Variants in VPS35L observed in about 807,000 individuals in gnomAD.
VPS35L encodes VPS35 endosomal protein sorting factor like, also known as VPS35 endosomal protein-sorting factor-like.
In VPS35L, 83 loss-of-function variants were observed where a neutral mutation model predicts 133.0. That is an observed-to-expected ratio of 0.62 (90% confidence interval 0.52 to 0.75). The LOEUF (loss-of-function observed/expected upper bound fraction) is 0.75. VPS35L is among the 30% of genes least tolerant of loss of function. The pLI is 0.00. For synonymous variants in VPS35L, 423 were observed against 449.9 expected, an observed-to-expected ratio of 0.94 and a Z score of 0.76; for missense variants, 1,083 against 1,206.8, an observed-to-expected ratio of 0.90 and a Z score of 1.52.
intron 24 of VPS35L, among the ~76,000 whole-genome samples, chr16:19,648,120 A>G (rs1473126185): frequency 3.3e-5 from 5 of 151,930 alleles, no homozygotes; most frequent in African/African-American, 1.2e-4. Flanking sequence ...ATGCCCAGCT[A>G]TTTTAAATTT....
chr16:19,616,083 G>A (rs1469063921), intron 12 of VPS35L, 31 bp from the exon 13 acceptor site: 4 of 1,577,056 alleles, frequency 2.5e-6, no homozygotes, highest in Non-Finnish European at 2.6e-6. Flanking sequence ...GTCATTATTT[G>A]CAACCAGTTT....
At position 19,639,740 on chromosome 16, in the gene VPS35L, G is replaced by A. The variant is rs1973728555; in HGVS notation, c.1699-275G>A. Among the ~76,000 whole-genome samples the A allele has an allele frequency of 6.6e-6, 1 of 152,104 alleles. No homozygotes were observed. Among genetic ancestry groups the A allele is most frequent in the Non-Finnish European group, 1.5e-5 (1 of 68,012 alleles). On this transcript the variant is annotated intron_variant, in intron 20 of 30. Transcript: ENST00000417362. This position sits in a 1 kb window ranked among gnomAD's most constrained non-coding sequence, Gnocchi z 4.1. ...GACAGGGTTTCGCCATGTTGGCCAG[G>A]CTGGTCTTGAACTCCTGGCCTCAAG...
chr16:19,657,002 G>T (rs918616635), intron 26 of VPS35L, among the ~76,000 whole-genome samples: 1 of 127,780 alleles, frequency 7.8e-6, no homozygotes, highest in Non-Finnish European at 1.5e-5. Flanking sequence ...GTCCTGCTCC[G>T]TCGTCCAGGC....
Position 19,608,977 on chromosome 16 carries a change from C to T in VPS35L, c.885C>T (p.Tyr295=), listed in dbSNP as rs754028298. The T allele has an allele frequency of 1.2e-5, 19 of 1,613,490 alleles. No individual in the cohort carries two copies. Among genetic ancestry groups the T allele is most frequent in the East Asian group, 6.7e-5 (3 of 44,882 alleles). ...CCTTAACAGGATGTTTTTGTAGTTACGTGGAGGCATCCATCCTGAAATGTA... is the reference window on the plus strand; with the variant it reads ...CCTTAACAGGATGTTTTTGTAGTTATGTGGAGGCATCCATCCTGAAATGTA... The part of the protein sequence containing the change: ...ASIRELIPRF[Y]VEASILKCNK... Residue 295 remains tyrosine, a synonymous_variant, in exon 11 of 31, where the codon TAC becomes TAT. Transcript: ENST00000417362.
rs972420961 is a variant in VPS35L at position 19,673,211 on chromosome 16, C to T, written c.2361+3912C>T. 5.3e-5 allele frequency among the ~76,000 whole-genome samples: 8 copies of T among 152,190 alleles called. No homozygotes were observed. The East Asian group carries it at 5.8e-4, about 11-fold the overall frequency. On this transcript the variant is annotated intron_variant, in intron 27 of 30. Transcript: ENST00000417362. ...TTGATGTCTGGAGGGCAGATCCAGC[C>T]GGTAGACATGTAGACACTTGCTGGC...
In VPS35L at chr16:19,633,973, G is replaced by A. The variant is rs867858779; in HGVS notation, c.1635+801G>A. Among the ~76,000 whole-genome samples, 13 of 152,146 alleles carry A rather than the reference G, an allele frequency of 8.5e-5. No individual in the cohort carries two copies. The Middle Eastern group carries it at 0.01, about 119-fold the overall frequency. ...GATGTCCTGACTTCGTGATCCACCC[G>A]CCTCAGCCTCCCAAAGTGCTGGGAT... On this transcript the variant is annotated intron_variant, in intron 19 of 30. Transcript: ENST00000417362. The surrounding 1 kb of genome is among the most constrained non-coding windows in gnomAD (Gnocchi z 4.1).
At chr16:19,606,803 T>C (rs944605406) in intron 9 of VPS35L, among the ~76,000 whole-genome samples, 1 of 152,244 alleles carries the variant, frequency 6.6e-6, no homozygotes, top group African/African-American at 2.4e-5. Context: ...GGTCTTGCTC[T>C]GTCTTACTCT....
intron 22 of VPS35L, among the ~76,000 whole-genome samples, chr16:19,643,737 G>A (rs1973855844): frequency 6.6e-6 from 1 of 151,946 alleles, no homozygotes; most frequent in South Asian, 2.1e-4. Flanking sequence ...CCTGAGGTCA[G>A]GAGTTTGAGA....
At chr16:19,674,878 T>C (rs1462832634) in intron 27 of VPS35L, among the ~76,000 whole-genome samples, 3 of 152,218 alleles carry the variant, frequency 2.0e-5, no homozygotes, top group Non-Finnish European at 2.9e-5. Flanking sequence ...TTGTTACATA[T>C]GGCAGAATTT....
chr16:19,682,699 T>TA (rs1251684452), intron 28 of VPS35L, among the ~76,000 whole-genome samples: 3 of 151,984 alleles, frequency 2.0e-5, no homozygotes, highest in South Asian at 2.1e-4. Context: ...CTGTCTCTAC[T>TA]AAAAAAACAA....
chr16:19,596,890 G>A (rs1040710167), intron 8 of VPS35L, among the ~76,000 whole-genome samples: 11 of 151,946 alleles, frequency 7.2e-5, no homozygotes, highest in Admixed American at 6.6e-4. Flanking sequence ...GAGGTGGTAC[G>A]CGCCTGTAAT....
At chr16:19,621,595 C>T (rs1219480964) in intron 14 of VPS35L, among the ~76,000 whole-genome samples, 1 of 152,172 alleles carries the variant, frequency 6.6e-6, no homozygotes, top group Non-Finnish European at 1.5e-5. Flanking sequence ...TGGTTGATCC[C>T]AGCCAAAGGG....
intron 29 of VPS35L, among the ~76,000 whole-genome samples, chr16:19,698,055 G>A (rs1424836144): frequency 6.6e-6 from 1 of 152,238 alleles, no homozygotes; most frequent in Non-Finnish European, 1.5e-5. Context: ...CTGTTTGGTA[G>A]GTGAGAAGTC....
At chr16:19,556,538 GTGT>G (rs1970862610) in intron 1 of VPS35L, among the ~76,000 whole-genome samples, 1 of 152,218 alleles carries the variant, frequency 6.6e-6, no homozygotes, top group Admixed American at 6.5e-5. Context: ...TGAGGAAGTT[GTGT>G]TGTTGATGAT....
At chr16:19,563,427 A>G (rs1971088054) in intron 1 of VPS35L, among the ~76,000 whole-genome samples, 1 of 152,130 alleles carries the variant, frequency 6.6e-6, no homozygotes, top group Admixed American at 6.6e-5. Flanking sequence ...CTTGGGCCAC[A>G]GATGTTTCTT....
chr16:19,692,597 C>G (rs1975732973), intron 29 of VPS35L, among the ~76,000 whole-genome samples: 3 of 151,932 alleles, frequency 2.0e-5, no homozygotes, highest in Admixed American at 2.0e-4. Context: ...GAGTTTCGCT[C>G]TTGTTGCCCA....
chr16:19,596,789 C>T (rs916528411), intron 8 of VPS35L, among the ~76,000 whole-genome samples: 5 of 150,840 alleles, frequency 3.3e-5, no homozygotes, highest in African/African-American at 4.9e-5. Context: ...GAGGCCAAGG[C>T]GGGCAGATCA....
At chr16:19,693,959 G>GAAAAAAAAAAA (rs915757096) in intron 29 of VPS35L, 2 of 92,372 alleles carry the variant, frequency 2.2e-5, no homozygotes, top group Non-Finnish European at 4.7e-5. Context: ...CAAAAAAAAA[G>GAAAAAAAAAAA]AAAAAAAAAA....
At chr16:19,689,040 C>CTTTTT (rs766276644) in intron 28 of VPS35L, among the ~76,000 whole-genome samples, 4 of 134,694 alleles carry the variant, frequency 3.0e-5, no homozygotes, top group African/African-American at 5.5e-5. Flanking sequence ...GGTGTCTCTT[C>CTTTTT]TTTTTTTTTT....
Sources: allele counts gnomAD v4.1 joint callset (sites outside exome capture counted in the v4.1 genomes callset), GRCh38; gene constraint gnomAD v4.1.1; non-coding constraint Gnocchi (gnomAD v3.1); transcripts MANE v1.5; gene names NCBI Gene and HGNC (gene_info 2026-07-23, HGNC 2026-07-21).